PCDHGB6: variants seen among roughly 807,000 people sequenced by gnomAD.
PCDHGB6 encodes protocadherin gamma-B6.
PCDHGB6 carries 51 observed loss-of-function variants against 59.1 expected under a neutral mutation model. The ratio of observed to expected loss-of-function variants is 0.86; its 90% CI spans 0.69 to 1.09. The LOEUF (loss-of-function observed/expected upper bound fraction) is 1.09, where lower values mean the gene tolerates loss of function less well. Ranked by LOEUF, PCDHGB6 falls within the 50% of genes least tolerant of loss-of-function variation. The pLI, the probability that PCDHGB6 is intolerant of heterozygous loss-of-function variation, is 0.00. For synonymous variants in PCDHGB6, 466 were observed against 495.1 expected (o/e 0.94, Z 0.78); for missense variants, 1,148 against 1,205.1 (o/e 0.95, Z 0.70).
rs71576115 is a variant in PCDHGB6 at position 141,463,438 on chromosome 5, C to CTTTT, written c.2419-31344_2419-31341dup. Among the ~76,000 whole-genome samples, 106 of 103,254 alleles carry CTTTT rather than the reference C, an allele frequency of 1.0e-3. 8 individuals are homozygous for CTTTT. Among genetic ancestry groups the CTTTT allele is most frequent in the African/African-American group, 3.9e-3 (88 of 22,404 alleles). The allele number at this position is 103,254 out of a possible 152,430, so 67.7% of individuals were successfully genotyped here. ...GTTTGCGGATCCTCATTTCCTTCTC[C>CTTTT]TTTTTTTTTTTTTTTTTTTTTTTTT... is the stretch of plus-strand genomic sequence containing the variant. On this transcript the variant is annotated intron_variant, in intron 1 of 3. Transcript: ENST00000520790.
intron 1 of PCDHGB6, chr5:141,413,459 A>C: frequency 1.9e-6 from 3 of 1,614,080 alleles, no homozygotes; most frequent in Non-Finnish European, 2.5e-6. Flanking sequence ...GGCAGGATAG[A>C]CCGGGAGGAG....
In PCDHGB6 at chr5:141,432,927, G is replaced by A; in HGVS notation, c.2418+22307G>A. On this transcript the variant is annotated intron_variant, in intron 1 of 3. Coordinates refer to ENST00000520790, the MANE Select transcript of PCDHGB6 (RefSeq NM_018926.3). This position sits in a 1 kb window ranked among gnomAD's most constrained non-coding sequence, Gnocchi z 6.0. ...AGGCTGCGGCGCTGGCACAAGTCACGCCTGCTGCAGGCTTCAGGAGGCGGC... is the reference window on the plus strand; with the variant it reads ...AGGCTGCGGCGCTGGCACAAGTCACACCTGCTGCAGGCTTCAGGAGGCGGC... 6.2e-7 allele frequency: 1 copy of A among 1,614,162 alleles called. No individual in the cohort carries two copies. Among genetic ancestry groups the A allele is most frequent in the Non-Finnish European group, 8.5e-7 (1 of 1,180,032 alleles).
intron 1 of PCDHGB6, chr5:141,423,216 G>A (rs376530221): frequency 1.2e-6 from 2 of 1,613,632 alleles, no homozygotes; most frequent in African/African-American, 2.7e-5. Flanking sequence ...CGCTCACCGT[G>A]GCTGTGGCCG....
At chr5:141,427,450 C>A in intron 1 of PCDHGB6, 1 of 486,442 alleles carries the variant, frequency 2.1e-6, no homozygotes, top group Non-Finnish European at 4.0e-6. Context: ...GAAAGAGTTC[C>A]TTTTAGAATC....
rs1196083589 is a variant in PCDHGB6, at chr5:141,486,525, A to G, written c.2419-8282A>G. On this transcript the variant is annotated intron_variant, in intron 1 of 3. Coordinates refer to ENST00000520790, the MANE Select transcript of PCDHGB6 (RefSeq NM_018926.3). This position sits in a 1 kb window ranked among gnomAD's most constrained non-coding sequence, Gnocchi z 5.0. ...CTCAATATTTCAGATGTGAATGATA[A>G]TCCACCCTCTTTCTTTCAGAGGTCA... 1 of 1,614,158 alleles carries G rather than the reference A, an allele frequency of 6.2e-7. No individual in the cohort carries two copies. Among genetic ancestry groups the G allele is most frequent in the African/African-American group, 1.3e-5 (1 of 75,054 alleles).
chr5:141,494,953 T>G, intron 2 of PCDHGB6, 88 bp downstream of exon 2: 1 of 1,604,164 alleles, frequency 6.2e-7, no homozygotes, highest in Non-Finnish European at 8.5e-7. Flanking sequence ...GCCCAGCATT[T>G]GCTACAGATG....
chr5:141,486,498 T>C lies in PCDHGB6; in HGVS notation c.2419-8309T>C, dbSNP rs755907391. On this transcript the variant is annotated intron_variant, in intron 1 of 3. Coordinates refer to ENST00000520790, the MANE Select transcript of PCDHGB6 (RefSeq NM_018926.3). The surrounding 1 kb of genome is among the most constrained non-coding windows in gnomAD (Gnocchi z 5.0). The stretch of plus-strand genomic sequence containing the variant: ...CCTCTCAGTACCCACAGAACTATTT[T>C]CCTCAATATTTCAGATGTGAATGAT... 6.2e-7 allele frequency: 1 copy of C among 1,614,030 alleles called. No individual in the cohort carries two copies. The highest frequency in any genetic ancestry group is 8.5e-7 in the Non-Finnish European group (1 of 1,179,874).
Position 141,476,369 on chromosome 5 carries a change from G to A in PCDHGB6, c.2419-18438G>A, listed in dbSNP as rs1178923246. 1.9e-6 allele frequency: 3 copies of A among 1,614,098 alleles called. No homozygotes were observed. The African/African-American group carries it at 4.0e-5, about 22-fold the overall frequency. ...CTTTGAGGTGAACCGGGAGACCGGA[G>A]AGATGTTTGTGAACGACCGTCTGGA... On this transcript the variant is annotated intron_variant, in intron 1 of 3. Transcript: ENST00000520790. This position sits in a 1 kb window ranked among gnomAD's most constrained non-coding sequence, Gnocchi z 7.6.
rs144317211 is a variant in PCDHGB6 at position 141,432,088 on chromosome 5, A to G, written c.2418+21468A>G. On this transcript the variant is annotated intron_variant, in intron 1 of 3. Transcript: ENST00000520790. This position sits in a 1 kb window ranked among gnomAD's most constrained non-coding sequence, Gnocchi z 6.0. Reference sequence around the variant, plus strand: ...AAACTCATATCTCGCTGAACGTGGCAGACACCAACGACAACCCGCCGGTCT... The same window carrying G: ...AAACTCATATCTCGCTGAACGTGGCGGACACCAACGACAACCCGCCGGTCT... The G allele has an allele frequency of 6.2e-7, 1 of 1,614,148 alleles. No individual in the cohort carries two copies. Among genetic ancestry groups the G allele is most frequent in the South Asian group, 1.1e-5 (1 of 91,074 alleles).
In PCDHGB6 at chr5:141,423,130, G is replaced by T. The variant is rs770258338; in HGVS notation, c.2418+12510G>T. The T allele has an allele frequency of 2.5e-6, 4 of 1,613,700 alleles. No homozygotes were observed. Among genetic ancestry groups the T allele is most frequent in the Non-Finnish European group, 2.5e-6 (3 of 1,179,952 alleles). ...GGTGCGTACAGCGCGGGCACTGCTG[G>T]ACAGAGACGCGCTCAAGCAGAGCCT... On this transcript the variant is annotated intron_variant, in intron 1 of 3. Coordinates refer to ENST00000520790, the MANE Select transcript of PCDHGB6 (RefSeq NM_018926.3).
At chr5:141,423,257 G>A in intron 1 of PCDHGB6, 2 of 1,613,946 alleles carry the variant, frequency 1.2e-6, no homozygotes, top group Non-Finnish European at 1.7e-6. Context: ...GCGGACCTCG[G>A]CAGCCTCGAG....
intron 2 of PCDHGB6, among the ~76,000 whole-genome samples, chr5:141,502,253 T>C (rs1331834149): frequency 6.6e-6 from 1 of 152,232 alleles, no homozygotes; most frequent in South Asian, 2.1e-4. Context: ...TTTTTTTTAA[T>C]CCAGGATTTT....
Position 141,491,420 on chromosome 5 carries a change from G to A in PCDHGB6, c.2419-3387G>A, listed in dbSNP as rs2099713954. 1.2e-6 allele frequency: 2 copies of A among 1,614,004 alleles called. No homozygotes were observed. The highest frequency in any genetic ancestry group is 2.2e-5 in the South Asian group (2 of 91,090). On this transcript the variant is annotated intron_variant, in intron 1 of 3. Transcript: ENST00000520790. This position sits in a 1 kb window ranked among gnomAD's most constrained non-coding sequence, Gnocchi z 6.9. ...GGAAACGCAGACGGGGACGGGGGTG[G>A]AGGGCAGTGCTGCAGGCGCCAGGAC...
intron 1 of PCDHGB6, chr5:141,419,306 C>A: frequency 1.9e-6 from 3 of 1,614,032 alleles, no homozygotes; most frequent in Non-Finnish European, 2.5e-6. Context: ...AGACTTCGGG[C>A]TCAACGGCCG....
chr5:141,485,065 A>G lies in PCDHGB6; in HGVS notation c.2419-9742A>G, dbSNP rs527439590. On this transcript the variant is annotated intron_variant, in intron 1 of 3. Transcript: ENST00000520790. The surrounding 1 kb of genome is among the most constrained non-coding windows in gnomAD (Gnocchi z 5.7). ...TGCGGCGCCGGCCGAACCGCGCCAG[A>G]GCTGGCGCGGGGAAAGGGAGATAGG... The G allele has an allele frequency of 4.2e-5, 37 of 877,696 alleles. No individual in the cohort carries two copies. Among genetic ancestry groups the G allele is most frequent in the Non-Finnish European group, 6.5e-5 (36 of 552,826 alleles). The allele number at this position is 877,696 out of a possible 1,614,324, so 54.4% of individuals were successfully genotyped here. A position where few individuals can be genotyped will look rare whatever the true frequency, so the allele number is the denominator to read the frequency against.
intron 1 of PCDHGB6, chr5:141,420,440 C>G (rs1298244162): frequency 9.3e-7 from 1 of 1,076,214 alleles, no homozygotes; most frequent in Non-Finnish European, 1.2e-6. Context: ...AATTAAATGC[C>G]TCAGTCTTCC....
intron 1 of PCDHGB6, among the ~76,000 whole-genome samples, chr5:141,464,264 AAAAAAAAAAAAAAGC>A (rs974197911): frequency 4.0e-4 from 52 of 130,598 alleles, no homozygotes; most frequent in Non-Finnish European, 6.3e-4. Context: ...GACTCCGTCT[AAAAAAAAAAAAAAGC>A]AAAAAAAAAA....
rs1591337394 is a variant in PCDHGB6, at chr5:141,434,573, C to A, written c.2418+23953C>A. 2.0e-5 allele frequency among the ~76,000 whole-genome samples: 3 copies of A among 152,336 alleles called. No individual in the cohort carries two copies. The South Asian group carries it at 6.2e-4, about 32-fold the overall frequency. On this transcript the variant is annotated intron_variant, in intron 1 of 3. Transcript: ENST00000520790. The stretch of plus-strand genomic sequence containing the variant: ...TCTGTGCCTTAAGGACATGCCCCTG[C>A]TGCAGATAACTACCTCAATCCATCC...
At chr5:141,419,722 G>A (rs1194093167) in intron 1 of PCDHGB6, 2 of 1,613,306 alleles carry the variant, frequency 1.2e-6, no homozygotes, top group Admixed American at 1.7e-5. Context: ...GCCTGGGGCT[G>A]CGAACAGGCG....
Sources: allele counts gnomAD v4.1 joint callset (sites outside exome capture counted in the v4.1 genomes callset), GRCh38; gene constraint gnomAD v4.1.1; non-coding constraint Gnocchi (gnomAD v3.1); transcripts MANE v1.5; gene names NCBI Gene and HGNC (gene_info 2026-07-23, HGNC 2026-07-21).